Variants in PTPRZ1 observed in about 807,000 individuals in gnomAD.
PTPRZ1 encodes protein tyrosine phosphatase receptor type Z1.
PTPRZ1 carries 82 observed loss-of-function variants against 214.1 expected under a neutral mutation model. The observed-to-expected ratio is 0.38, with a 90% CI of 0.32 to 0.46. The LOEUF (loss-of-function observed/expected upper bound fraction) is 0.46, where lower values mean the gene tolerates loss of function less well. Ranked by LOEUF, PTPRZ1 falls within the 20% of genes least tolerant of loss-of-function variation. The pLI, the probability that PTPRZ1 is intolerant of heterozygous loss-of-function variation, is 1.00. For synonymous variants in PTPRZ1, 945 were observed against 987.9 expected, an observed-to-expected ratio of 0.96 and a Z score of 0.81; for missense variants, 2,603 against 2,748.7, an observed-to-expected ratio of 0.95 and a Z score of 1.19.
rs1447251051 is a variant in PTPRZ1 at position 122,012,904 on chromosome 7, G to A, written c.3858G>A (p.Leu1286=). The part of the protein sequence containing the change: ...SESSHQVVPS[L]YSNDELFQTA... ...GTTCCCACCAAGTGGTACCTTCTTT[G>A]TACAGTAATGATGAGTTGTTCCAAA... Residue 1286 remains leucine (L), a synonymous_variant, in exon 12 of 30, where the codon TTG becomes TTA. Transcript: ENST00000393386. 3 of 1,614,114 alleles carry A rather than the reference G, an allele frequency of 1.9e-6. No individual in the cohort carries two copies. The highest frequency in any genetic ancestry group is 2.2e-5 in the East Asian group (1 of 44,868).
Position 121,994,289 on chromosome 7 carries a change from C to CTTTTTTTTTTT in PTPRZ1, c.929-2080_929-2070dup, listed in dbSNP as rs35332072. Among the ~76,000 whole-genome samples, 42 of 75,348 alleles carry CTTTTTTTTTTT rather than the reference C, an allele frequency of 5.6e-4. 6 individuals carry two copies. The highest frequency in any genetic ancestry group is 1.4e-3 in the East Asian group (3 of 2,102). 49.4% of individuals were successfully genotyped at this position (75,348 alleles called of 152,430 possible). The stretch of plus-strand genomic sequence containing the variant: ...ATGTATGCATAAAATTAATGCATTT[C>CTTTTTTTTTTT]TTTTTTTTTTTTTTTTTTTTTTTGA... On this transcript the variant is annotated intron_variant, in intron 8 of 29. Transcript: ENST00000393386.
intron 8 of PTPRZ1, among the ~76,000 whole-genome samples, chr7:121,991,012 AG>A (rs1389815800): frequency 1.3e-5 from 2 of 152,288 alleles, no homozygotes; most frequent in African/African-American, 4.8e-5. Flanking sequence ...GCTAAAGCAC[AG>A]GGGGGAAAAT....
At chr7:122,044,331 C>T (rs1799817099) in intron 22 of PTPRZ1, 91 bp from the exon 23 acceptor site, 2 of 1,468,090 alleles carry the variant, frequency 1.4e-6, no homozygotes, top group Non-Finnish European at 1.9e-6. Context: ...GTAAAACTCT[C>T]CTTGTCTGTC....
chr7:121,894,044 A>G (rs1411377321), intron 1 of PTPRZ1, among the ~76,000 whole-genome samples: 1 of 152,216 alleles, frequency 6.6e-6, no homozygotes, highest in Non-Finnish European at 1.5e-5. Context: ...CTGAATTCCA[A>G]GTCCTTAACT....
chr7:121,944,787 C>G (rs1796323484), intron 2 of PTPRZ1, among the ~76,000 whole-genome samples: 1 of 152,074 alleles, frequency 6.6e-6, no homozygotes, highest in Non-Finnish European at 1.5e-5. Context: ...GGACTACAGG[C>G]AGGCACCACC....
rs1799477507 is a variant in PTPRZ1, at chr7:122,034,436, TAA to T, written c.5284+61_5284+62del. ...ATATCATTGCCATTTTGGTGCCTTT[TAA>T]AAGTGTCCTGAAGTCATCTGAGAGC... On this transcript the variant is annotated intron_variant, in intron 17 of 29. Coordinates refer to ENST00000393386, the MANE Select transcript of PTPRZ1 (RefSeq NM_002851.3). The T allele has an allele frequency of 2.6e-6, 4 of 1,516,876 alleles. No homozygotes were observed. In the Admixed American group the frequency reaches 6.9e-5, roughly 26 times the overall value. The allele number at this position is 1,516,876 out of a possible 1,614,324, so 94.0% of individuals were successfully genotyped here.
intron 1 of PTPRZ1, among the ~76,000 whole-genome samples, chr7:121,914,558 A>G (rs932469792): frequency 6.6e-6 from 1 of 152,180 alleles, no homozygotes; most frequent in African/African-American, 2.4e-5. Flanking sequence ...AAAAGGATCA[A>G]TTGTTTTTGT....
chr7:122,011,317 A>T lies in PTPRZ1; in HGVS notation c.2271A>T (p.Thr757=). ...QTTQPVYNGE[T]PLQPSYSSEV... Reference sequence around the variant, plus strand: ...CCCAACCGGTATACAATGGTGAGACACCTCTTCAACCTTCCTACAGTAGTG... The same window carrying T: ...CCCAACCGGTATACAATGGTGAGACTCCTCTTCAACCTTCCTACAGTAGTG... The change falls in exon 12 of 30, where the codon ACA becomes ACT. Residue 757 remains threonine (T), a synonymous_variant. Coordinates refer to ENST00000393386, the MANE Select transcript of PTPRZ1 (RefSeq NM_002851.3). The T allele has an allele frequency of 6.2e-7, 1 of 1,614,066 alleles. No homozygotes were observed. The highest frequency in any genetic ancestry group is 8.5e-7 in the Non-Finnish European group (1 of 1,180,016).
At chr7:121,939,489 T>C (rs1216462578) in intron 2 of PTPRZ1, among the ~76,000 whole-genome samples, 1 of 152,256 alleles carries the variant, frequency 6.6e-6, no homozygotes, top group African/African-American at 2.4e-5. Context: ...ATGTAGTTTT[T>C]CTTTTCCAAG....
At chr7:121,943,574 G>A (rs74616566) in intron 2 of PTPRZ1, among the ~76,000 whole-genome samples, 1 of 152,054 alleles carries the variant, frequency 6.6e-6, no homozygotes, top group Non-Finnish European at 1.5e-5. Flanking sequence ...TCCTGACCTC[G>A]TGATCCTCCC....
At chr7:121,959,426 A>G (rs940386752) in intron 2 of PTPRZ1, among the ~76,000 whole-genome samples, 15 of 152,250 alleles carry the variant, frequency 9.9e-5, no homozygotes, top group African/African-American at 3.6e-4. Flanking sequence ...TTCTAGCTGC[A>G]GAAACCTCTG....
intron 1 of PTPRZ1, among the ~76,000 whole-genome samples, chr7:121,903,967 C>CAA (rs1554427289): frequency 1.2e-5 from 1 of 83,062 alleles, no homozygotes; most frequent in Non-Finnish European, 2.5e-5. Flanking sequence ...CTTTAAATCT[C>CAA]ACACACACAC....
intron 1 of PTPRZ1, among the ~76,000 whole-genome samples, chr7:121,875,085 CT>C (rs1794012367): frequency 6.6e-6 from 1 of 151,656 alleles, no homozygotes; most frequent in East Asian, 1.9e-4. Flanking sequence ...TACAATTCAT[CT>C]TTTTAAAATG....
At position 122,013,223 on chromosome 7, in the gene PTPRZ1, C is replaced by T. The variant is rs1798735106; in HGVS notation, c.4177C>T (p.Leu1393=). Residue 1393 remains leucine, a synonymous_variant, in exon 12 of 30, where the codon CTG becomes TTG. Transcript: ENST00000393386. ...RDGSVTSTKL[L]FPSKATSELS... Reference sequence around the variant, plus strand: ...TGGTTCTGTAACCTCAACAAAGTTGCTGTTTCCTTCTAAGGCAACTTCTGA... The same window carrying T: ...TGGTTCTGTAACCTCAACAAAGTTGTTGTTTCCTTCTAAGGCAACTTCTGA... The T allele has an allele frequency of 1.2e-6, 2 of 1,614,068 alleles. No individual in the cohort carries two copies. The highest frequency in any genetic ancestry group is 1.7e-5 in the Admixed American group (1 of 60,006).
chr7:121,999,540 A>G (rs1384670438), intron 10 of PTPRZ1, among the ~76,000 whole-genome samples: 2 of 152,190 alleles, frequency 1.3e-5, no homozygotes, highest in East Asian at 1.9e-4. Context: ...CATTTTGAGT[A>G]TGAAGTATAT....
intron 28 of PTPRZ1, 175 bp from the exon 29 acceptor site, chr7:122,059,578 G>T: frequency 1.5e-6 from 1 of 682,096 alleles, no homozygotes; most frequent in East Asian, 2.7e-5. Context: ...ATGAACACTT[G>T]GCAATATTTC....
At chr7:122,032,745 T>C (rs1799419931) in intron 15 of PTPRZ1, among the ~76,000 whole-genome samples, 1 of 152,166 alleles carries the variant, frequency 6.6e-6, no homozygotes, top group African/African-American at 2.4e-5. Flanking sequence ...TTTACTAATT[T>C]AAAAATAATA....
chr7:121,893,491 A>G (rs1478684340), intron 1 of PTPRZ1, among the ~76,000 whole-genome samples: 1 of 152,218 alleles, frequency 6.6e-6, no homozygotes, highest in Non-Finnish European at 1.5e-5. Context: ...GGAGAAATGG[A>G]GAAATGGCAA....
intron 1 of PTPRZ1, among the ~76,000 whole-genome samples, chr7:121,874,949 T>G (rs1010060758): frequency 1.3e-5 from 2 of 152,072 alleles, no homozygotes; most frequent in African/African-American, 4.8e-5. Flanking sequence ...TTAAATTATG[T>G]AAGTAAATAT....
Sources: allele counts gnomAD v4.1 joint callset (sites outside exome capture counted in the v4.1 genomes callset), GRCh38; gene constraint gnomAD v4.1.1; transcripts MANE v1.5; gene names NCBI Gene and HGNC (gene_info 2026-07-23, HGNC 2026-07-21).